The following BMPR1A variants were observed in gnomAD, a reference collection of about 807,000 sequenced individuals.
BMPR1A encodes the protein bone morphogenetic protein receptor type 1A.
BMPR1A carries 7 observed loss-of-function variants against 66.0 expected under a neutral mutation model. The observed-to-expected ratio is 0.11, with a 90% confidence interval of 0.06 to 0.20. The LOEUF (loss-of-function observed/expected upper bound fraction) is 0.20, where lower values mean the gene tolerates loss of function less well. BMPR1A is among the 10% of genes least tolerant of loss of function. BMPR1A has a pLI of 1.00. For synonymous variants in BMPR1A, 200 were observed against 229.7 expected (o/e 0.87, Z 1.17); for missense variants, 408 against 669.1 (o/e 0.61, Z 4.31).
At chr10:86,807,789 C>T (rs12255790) in intron 1 of BMPR1A, among the ~76,000 whole-genome samples, 3 of 152,054 alleles carry the variant, frequency 2.0e-5, no homozygotes, top group Non-Finnish European at 2.9e-5. Flanking sequence ...CCTTTTGAGA[C>T]GGAGTTGCAC....
rs555716466 is a variant in BMPR1A, at chr10:86,803,130, A to G, written c.-267-35735A>G. On this transcript the variant is annotated intron_variant, in intron 1 of 12. Coordinates refer to ENST00000372037, the MANE Select transcript of BMPR1A (RefSeq NM_004329.3). ...TTCTTTAAAGTGAAGTCAGATGGGTAGAATAAAATATACTGATGTTACTGC... is the reference window on the plus strand; with the variant it reads ...TTCTTTAAAGTGAAGTCAGATGGGTGGAATAAAATATACTGATGTTACTGC... Among the ~76,000 whole-genome samples the G allele has an allele frequency of 2.6e-5, 4 of 152,082 alleles. No individual in the cohort carries two copies. In the South Asian group the frequency reaches 8.3e-4, roughly 32 times the overall value.
At chr10:86,791,687 T>C (rs1461179069) in intron 1 of BMPR1A, among the ~76,000 whole-genome samples, 14 of 78,812 alleles carry the variant, frequency 1.8e-4, no homozygotes, top group Non-Finnish European at 2.5e-4. Context: ...TTTACTTCCT[T>C]CCTCCCTCCC....
At chr10:86,832,577 A>G (rs944903480) in intron 1 of BMPR1A, among the ~76,000 whole-genome samples, 3 of 152,104 alleles carry the variant, frequency 2.0e-5, no homozygotes, top group East Asian at 3.9e-4. Flanking sequence ...ACCTCCCACA[A>G]TCACTGCCTT....
chr10:86,911,715 A>T (rs2133539829), intron 7 of BMPR1A, among the ~76,000 whole-genome samples: 1 of 152,310 alleles, frequency 6.6e-6, no homozygotes, highest in Non-Finnish European at 1.5e-5. Flanking sequence ...GTACCACTGC[A>T]TTCCAGCCTG....
intron 1 of BMPR1A, among the ~76,000 whole-genome samples, chr10:86,789,722 AAAAC>A (rs1343841340): frequency 3.9e-4 from 59 of 150,012 alleles, no homozygotes; most frequent in Non-Finnish European, 5.2e-4. Flanking sequence ...TTAGAAAAAA[AAAAC>A]AAACAAACAC....
intron 1 of BMPR1A, among the ~76,000 whole-genome samples, chr10:86,779,393 C>T (rs916801223): frequency 6.6e-6 from 1 of 152,166 alleles, no homozygotes; most frequent in African/African-American, 2.4e-5. Context: ...TCCTTGTCAG[C>T]ACTTGTTACT....
At chr10:86,845,177 T>C (rs1842467221) in intron 2 of BMPR1A, among the ~76,000 whole-genome samples, 1 of 152,194 alleles carries the variant, frequency 6.6e-6, no homozygotes, top group Non-Finnish European at 1.5e-5. Context: ...ACTTACTGGC[T>C]GATAGGTTAT....
intron 2 of BMPR1A, among the ~76,000 whole-genome samples, chr10:86,857,732 T>C (rs1396712960): frequency 6.6e-6 from 1 of 150,562 alleles, no homozygotes; most frequent in African/African-American, 2.5e-5. Flanking sequence ...ACAGCTGGCT[T>C]TCTCCAGATC....
intron 3 of BMPR1A, among the ~76,000 whole-genome samples, chr10:86,883,216 C>T (rs1218567716): frequency 6.6e-6 from 1 of 151,642 alleles, no homozygotes; most frequent in African/African-American, 2.4e-5. Flanking sequence ...TGGCTGGGCA[C>T]GTTAGCTCAT....
chr10:86,868,249 A>C (rs1842808948), intron 2 of BMPR1A, among the ~76,000 whole-genome samples: 1 of 152,230 alleles, frequency 6.6e-6, no homozygotes, highest in South Asian at 2.1e-4. Context: ...GTATTACCTC[A>C]GATACACTCA....
intron 1 of BMPR1A, 78 bp downstream of exon 1, chr10:86,756,997 A>C (rs1430034068): frequency 1.3e-5 from 2 of 151,066 alleles, no homozygotes; most frequent in Non-Finnish European, 3.0e-5. Flanking sequence ...GAGGCTGCAG[A>C]GGCAGCTGGG....
At chr10:86,880,743 T>C (rs994016895) in intron 3 of BMPR1A, among the ~76,000 whole-genome samples, 16 of 152,280 alleles carry the variant, frequency 1.1e-4, no homozygotes, top group African/African-American at 3.9e-4. Context: ...AATCACTGAG[T>C]TCAAGTTCGG....
intron 1 of BMPR1A, among the ~76,000 whole-genome samples, chr10:86,782,284 C>T (rs1841448854): frequency 6.6e-6 from 1 of 152,150 alleles, no homozygotes; most frequent in Admixed American, 6.6e-5. Context: ...AATAGTGCTG[C>T]AGTGGACAAG....
intron 1 of BMPR1A, among the ~76,000 whole-genome samples, chr10:86,787,053 G>A (rs1458584257): frequency 6.6e-6 from 1 of 152,074 alleles, no homozygotes; most frequent in Non-Finnish European, 1.5e-5. Flanking sequence ...TAATATCAAG[G>A]ATTTAAGTGA....
downstream of BMPR1A, chr10:86,930,871 G>C (rs1352020526): frequency 6.6e-6 from 1 of 152,156 alleles, no homozygotes; most frequent in Admixed American, 6.6e-5. Flanking sequence ...CTCCTGAGTA[G>C]CTGGGACCAT....
At chr10:86,756,394 G>A (rs550716956), upstream of BMPR1A, 3 of 152,018 alleles carry the variant, frequency 2.0e-5, no homozygotes, top group Admixed American at 6.5e-5. Flanking sequence ...GCCGGCGGCT[G>A]GCCCTCCTCC....
intron 2 of BMPR1A, among the ~76,000 whole-genome samples, chr10:86,853,266 A>G (rs146392123): frequency 2.4e-4 from 36 of 152,108 alleles, no homozygotes; most frequent in African/African-American, 8.2e-4. Context: ...ATTCAGAGAT[A>G]AGCCTTTGGC....
chr10:86,855,719 G>A, intron 2 of BMPR1A: 1 of 785,310 alleles, frequency 1.3e-6, no homozygotes, highest in South Asian at 1.8e-5. Flanking sequence ...TTTGTGTTTG[G>A]CATTAGCTTT....
chr10:86,865,180 T>G (rs955237886), intron 2 of BMPR1A, among the ~76,000 whole-genome samples: 10 of 152,130 alleles, frequency 6.6e-5, no homozygotes, highest in South Asian at 2.1e-4. Context: ...ACTGATGACA[T>G]TCCACCACAA....
Sources: allele counts gnomAD v4.1 joint callset (sites outside exome capture counted in the v4.1 genomes callset), GRCh38; gene constraint gnomAD v4.1.1; transcripts MANE v1.5; gene names NCBI Gene and HGNC (gene_info 2026-07-23, HGNC 2026-07-21).